CTNNA3: variants seen among roughly 807,000 people sequenced by gnomAD.
CTNNA3 encodes the protein catenin alpha-3.
In CTNNA3, 76 loss-of-function variants were observed where a neutral mutation model predicts 95.7. That is an observed-to-expected ratio of 0.79 (90% confidence interval 0.66 to 0.96). The LOEUF (loss-of-function observed/expected upper bound fraction) is 0.96, where lower values mean the gene tolerates loss of function less well. CTNNA3 is among the 40% of genes least tolerant of loss of function. CTNNA3 has a pLI of 0.00. For synonymous variants in CTNNA3, 431 were observed against 374.4 expected (o/e 1.15, Z -1.74); for missense variants, 1,191 against 1,089.8 (o/e 1.09, Z -1.31).
chr10:66,138,432 C>A (rs2083455447), intron 13 of CTNNA3, among the ~76,000 whole-genome samples: 1 of 152,124 alleles, frequency 6.6e-6, no homozygotes, highest in Admixed American at 6.5e-5. Context: ...AAAATTGTTT[C>A]TATATGGCCT....
At chr10:66,447,128 G>A (rs1019791846) in intron 11 of CTNNA3, among the ~76,000 whole-genome samples, 1 of 151,796 alleles carries the variant, frequency 6.6e-6, no homozygotes, top group African/African-American at 2.4e-5. Context: ...GGGATGTGAA[G>A]GGCCTCTTCA....
Position 66,723,627 on chromosome 10 carries a change from A to G in CTNNA3, c.1281+42637T>C, listed in dbSNP as rs183151708. ...TGATTGTGAATAATGGCACACATGC[A>G]GTGTCCCTCAATGGCTACCAGAAAA... On this transcript the variant is annotated intron_variant, in intron 9 of 17. Coordinates refer to ENST00000433211, the MANE Select transcript of CTNNA3 (RefSeq NM_013266.4). 2.4e-4 allele frequency among the ~76,000 whole-genome samples: 37 copies of G among 152,368 alleles called. No individual in the cohort carries two copies. In the East Asian group the frequency reaches 2.7e-3, roughly 11 times the overall value.
chr10:66,349,938 A>G (rs1201757764), intron 12 of CTNNA3, among the ~76,000 whole-genome samples: 1 of 152,110 alleles, frequency 6.6e-6, no homozygotes, highest in Non-Finnish European at 1.5e-5. Context: ...TTTTCTTTAG[A>G]GGCAGTTTAC....
At chr10:66,920,042 ATG>A (rs1358821052) in intron 7 of CTNNA3, among the ~76,000 whole-genome samples, 1 of 152,188 alleles carries the variant, frequency 6.6e-6, no homozygotes, top group Non-Finnish European at 1.5e-5. Flanking sequence ...ATACTGAGGA[ATG>A]TTTCCTATAA....
chr10:66,935,703 C>T lies in CTNNA3; in HGVS notation c.1048-160179G>A, dbSNP rs147949349. On this transcript the variant is annotated intron_variant, in intron 7 of 17. Transcript: ENST00000433211. ...TGAAGATATTTTGGTATAATTGAGT[C>T]CTTATTATGTACCAGGAATTTGTAT... is the stretch of plus-strand genomic sequence containing the variant. Among the ~76,000 whole-genome samples, 1,253 of 151,798 alleles carry T rather than the reference C, an allele frequency of 8.3e-3. 15 individuals are homozygous for T. Among genetic ancestry groups the T allele is most frequent in the African/African-American group, 0.029 (1,180 of 41,336 alleles).
intron 13 of CTNNA3, among the ~76,000 whole-genome samples, chr10:66,196,384 A>G (rs1347710101): frequency 6.6e-6 from 1 of 152,174 alleles, no homozygotes; most frequent in Non-Finnish European, 1.5e-5. Context: ...AAGTGAGGCA[A>G]AGTCAAGGTT....
chr10:66,954,756 C>T (rs1002949516), intron 7 of CTNNA3, among the ~76,000 whole-genome samples: 1 of 152,182 alleles, frequency 6.6e-6, no homozygotes, highest in Non-Finnish European at 1.5e-5. Context: ...TTGGCGGAAT[C>T]GACTGCTACT....
chr10:67,218,603 T>C (rs1361471189), intron 6 of CTNNA3, among the ~76,000 whole-genome samples: 1 of 152,246 alleles, frequency 6.6e-6, no homozygotes, highest in Non-Finnish European at 1.5e-5. Flanking sequence ...TGTGTGATTC[T>C]GGAGGACCCA....
chr10:67,540,394 CTTT>C (rs1173447791), intron 3 of CTNNA3, among the ~76,000 whole-genome samples: 1 of 151,848 alleles, frequency 6.6e-6, no homozygotes, highest in Non-Finnish European at 1.5e-5. Context: ...ATCTAAACTT[CTTT>C]TTATTATAAA....
intron 10 of CTNNA3, among the ~76,000 whole-genome samples, chr10:66,532,393 C>G (rs796737500): frequency 4.0e-5 from 6 of 150,722 alleles, no homozygotes; most frequent in African/African-American, 1.5e-4. Flanking sequence ...ACCTGGGAGG[C>G]GGAGCTTGCA....
intron 13 of CTNNA3, among the ~76,000 whole-genome samples, chr10:66,200,632 C>T (rs1344264233): frequency 6.6e-6 from 1 of 152,096 alleles, no homozygotes; most frequent in Non-Finnish European, 1.5e-5. Context: ...GATAAAATTT[C>T]CTTGATGTAA....
intron 13 of CTNNA3, among the ~76,000 whole-genome samples, chr10:66,197,184 T>C (rs2131900720): frequency 6.6e-6 from 1 of 150,560 alleles, no homozygotes; most frequent in Non-Finnish European, 1.5e-5. Context: ...TTTTTTTACA[T>C]AAAAGAGAAT....
intron 5 of CTNNA3, among the ~76,000 whole-genome samples, chr10:67,313,443 A>AATAAT (rs1554821829): frequency 6.9e-6 from 1 of 145,094 alleles, no homozygotes. Context: ...AAAAAAAAAA[A>AATAAT]AATAATAATA....
intron 13 of CTNNA3, among the ~76,000 whole-genome samples, chr10:66,245,752 G>C (rs72799109): frequency 0.21 from 32,558 of 152,014 alleles, 3,665 homozygotes; most frequent in South Asian, 0.29. Flanking sequence ...TGATAGTCCT[G>C]ACTTCTCTGC....
intron 15 of CTNNA3, among the ~76,000 whole-genome samples, chr10:66,036,880 T>C (rs968829378): frequency 7.1e-6 from 1 of 140,498 alleles, no homozygotes; most frequent in Non-Finnish European, 1.5e-5. Flanking sequence ...TTTTTTTTTT[T>C]TTTTTTTTTT....
intron 5 of CTNNA3, among the ~76,000 whole-genome samples, chr10:67,252,616 G>A (rs1404626419): frequency 6.6e-6 from 1 of 151,974 alleles, no homozygotes; most frequent in East Asian, 1.9e-4. Context: ...GAGTTTATAC[G>A]ATGCCCACAG....
intron 5 of CTNNA3, among the ~76,000 whole-genome samples, chr10:67,371,108 C>T (rs575035890): frequency 7.1e-4 from 107 of 151,722 alleles, no homozygotes; most frequent in Middle Eastern, 3.5e-3. Context: ...CCTCTTGATC[C>T]GCCCGCCTCG....
At chr10:66,958,575 A>G (rs1453369609) in intron 7 of CTNNA3, among the ~76,000 whole-genome samples, 1 of 152,150 alleles carries the variant, frequency 6.6e-6, no homozygotes, top group East Asian at 1.9e-4. Context: ...TCAATAAGTA[A>G]GTAAGCGAAT....
intron 5 of CTNNA3, among the ~76,000 whole-genome samples, chr10:67,521,158 C>T (rs1036957782): frequency 6.6e-6 from 1 of 152,124 alleles, no homozygotes; most frequent in African/African-American, 2.4e-5. Context: ...CAGATTCAGC[C>T]TAGGAAGAGT....
Sources: allele counts gnomAD v4.1 joint callset (sites outside exome capture counted in the v4.1 genomes callset), GRCh38; gene constraint gnomAD v4.1.1; transcripts MANE v1.5; gene names NCBI Gene and HGNC (gene_info 2026-07-23, HGNC 2026-07-21).